Variants in CPAP observed in about 807,000 individuals in gnomAD.
The protein encoded by CPAP is centrosomal P4.1-associated protein.
chr13:24,912,721 A>G, the CPAP span: 1 of 1,614,096 alleles, frequency 6.2e-7, no homozygotes, highest in Non-Finnish European at 8.5e-7. Context: ...TCCCTTTTTA[A>G]TGCAAGGAAA....
the CPAP span, among the ~76,000 whole-genome samples, chr13:24,893,903 G>C: frequency 6.6e-6 from 1 of 152,188 alleles, no homozygotes; most frequent in African/African-American, 2.4e-5. Flanking sequence ...ACTCTGCCGG[G>C]GACAGTGGGA....
chr13:24,884,845 C>A, the CPAP span, among the ~76,000 whole-genome samples: 1 of 152,178 alleles, frequency 6.6e-6, no homozygotes, highest in African/African-American at 2.4e-5. Flanking sequence ...AGTAAATTTT[C>A]CATAAACCTG....
chr13:24,884,522 T>G, the CPAP span: 1 of 1,545,016 alleles, frequency 6.5e-7, no homozygotes, highest in South Asian at 1.1e-5. Flanking sequence ...GTATGGCTAA[T>G]TCTCCTCCCA....
chr13:24,889,341 G>A, the CPAP span: 2 of 1,611,452 alleles, frequency 1.2e-6, no homozygotes, highest in Admixed American at 1.7e-5. Context: ...AATTTTTCTT[G>A]TATTTTTCTA....
chr13:24,900,409 C>T, the CPAP span, among the ~76,000 whole-genome samples: 3 of 152,282 alleles, frequency 2.0e-5, no homozygotes, highest in South Asian at 6.2e-4. Flanking sequence ...CCGAGGCGGG[C>T]AGATCAGGCC....
At chr13:24,901,720 C>T in the CPAP span, among the ~76,000 whole-genome samples, 3 of 152,270 alleles carry the variant, frequency 2.0e-5, no homozygotes, top group East Asian at 3.9e-4. Context: ...GGCTGGACAT[C>T]GTAGCTCATG....
chr13:24,919,357 A>G, the CPAP span, among the ~76,000 whole-genome samples: 1 of 152,236 alleles, frequency 6.6e-6, no homozygotes, highest in Admixed American at 6.5e-5. Context: ...CAGATTATCT[A>G]AATTTACAAA....
At chr13:24,909,857 C>T in the CPAP span, 3 of 1,613,876 alleles carry the variant, frequency 1.9e-6, no homozygotes, top group Non-Finnish European at 8.5e-7. Flanking sequence ...GATACTGTGC[C>T]TCAGAAAATA....
chr13:24,904,761 G>A, the CPAP span, among the ~76,000 whole-genome samples: 2 of 152,020 alleles, frequency 1.3e-5, no homozygotes, highest in Non-Finnish European at 2.9e-5. Flanking sequence ...GAAAATTAAC[G>A]TTATAATTTC....
At chr13:24,887,745 A>G in the CPAP span, among the ~76,000 whole-genome samples, 1 of 152,206 alleles carries the variant, frequency 6.6e-6, no homozygotes, top group Non-Finnish European at 1.5e-5. Flanking sequence ...CCCTTACCCC[A>G]GTCCATGGAA....
chr13:24,909,593 C>T, the CPAP span, among the ~76,000 whole-genome samples: 19 of 151,676 alleles, frequency 1.3e-4, no homozygotes, highest in South Asian at 2.9e-3. Context: ...CAGGGTAGCA[C>T]GTGCCTATAG....
chr13:24,885,969 G>C, the CPAP span: 6 of 430,092 alleles, frequency 1.4e-5, no homozygotes, highest in Non-Finnish European at 8.6e-6. Flanking sequence ...GTAAGGTGCA[G>C]ATAAAAGAGG....
At chr13:24,925,370 A>G in the CPAP span, among the ~76,000 whole-genome samples, 1 of 152,226 alleles carries the variant, frequency 6.6e-6, no homozygotes, top group African/African-American at 2.4e-5. Flanking sequence ...CACTCTATCC[A>G]GAGAGGACAT....
At chr13:24,905,643 A>G in the CPAP span, 6 of 1,614,212 alleles carry the variant, frequency 3.7e-6, no homozygotes, top group Non-Finnish European at 5.1e-6. Context: ...AGGTCAGTCC[A>G]AGTTCTTTCA....
chr13:24,899,294 T>C, the CPAP span: 1 of 719,204 alleles, frequency 1.4e-6, no homozygotes. Context: ...GACAGATTAT[T>C]TGCTGAATGA....
At chr13:24,898,781 A>C in the CPAP span, among the ~76,000 whole-genome samples, 1 of 152,218 alleles carries the variant, frequency 6.6e-6, no homozygotes, top group African/African-American at 2.4e-5. Flanking sequence ...AGACAGTGGA[A>C]GGTGCATTTT....
the CPAP span, chr13:24,903,836 A>T: frequency 7.4e-7 from 1 of 1,351,850 alleles, no homozygotes; most frequent in South Asian, 1.2e-5. Context: ...TGTTTGACTG[A>T]TTTAAATTGT....
the CPAP span, chr13:24,884,602 G>T: frequency 1.2e-6 from 1 of 827,066 alleles, no homozygotes; most frequent in Non-Finnish European, 2.0e-6. Flanking sequence ...ATTTCGTGAG[G>T]AGTAGCAAAC....
At chr13:24,899,336 T>C in the CPAP span, 1 of 1,103,124 alleles carries the variant, frequency 9.1e-7, no homozygotes, top group Non-Finnish European at 1.4e-6. Flanking sequence ...AGTTTTGCTT[T>C]GACATAAGAA....
Sources: gnomAD v4.1 joint callset for allele counts (sites outside exome capture counted in the v4.1 genomes callset) on GRCh38, gnomAD v4.1.1 for gene constraint, MANE v1.5 for transcripts, NCBI Gene and HGNC (gene_info 2026-07-23, HGNC 2026-07-21) for gene names.